Variants in TSC2 observed in about 807,000 individuals in gnomAD.
TSC2 encodes TSC complex subunit 2, also known as tuberin.
Under a neutral mutation model 202.2 loss-of-function variants are expected in TSC2, and 29 were observed. The observed-to-expected ratio is 0.14, with a 90% CI of 0.11 to 0.20. TSC2 has a LOEUF of 0.20. Among genes scored for constraint, TSC2 ranks in the 10% least tolerant of loss-of-function variants. The probability of loss-of-function intolerance (pLI) is 1.00; values close to 1 mark genes in which losing one functional copy is unlikely to be tolerated. For missense variants in TSC2, 2,429 were observed against 2,420.0 expected (o/e 1.00, Z -0.08); for synonymous variants, 1,349 against 1,044.0 (o/e 1.29, Z -5.63).
rs766231504 is a variant in TSC2, at chr16:2,077,095, G to A, written c.2838-503G>A. Among the ~76,000 whole-genome samples the A allele has an allele frequency of 7.2e-5, 11 of 152,224 alleles. 1 individual carries two copies. The highest frequency in any genetic ancestry group is 1.9e-4 in the African/African-American group (8 of 41,454). On this transcript the variant is annotated intron_variant, in intron 25 of 41. Transcript: ENST00000219476. ...GCATTTTCCAGCGTGACCTCAACTCGGAAGCTGTTGTCTCCAGCCCCTGGG... is the reference window on the plus strand; with the variant it reads ...GCATTTTCCAGCGTGACCTCAACTCAGAAGCTGTTGTCTCCAGCCCCTGGG...
intron 17 of TSC2, among the ~76,000 whole-genome samples, chr16:2,070,838 T>C (rs1007008774): frequency 2.6e-5 from 4 of 152,102 alleles, no homozygotes; most frequent in Admixed American, 2.0e-4. Context: ...CACGGCGACT[T>C]CCGGGGCAGT....
chr16:2,065,813 G>C (rs1372345633), intron 16 of TSC2, among the ~76,000 whole-genome samples, 178 bp downstream of exon 16: 2 of 152,194 alleles, frequency 1.3e-5, no homozygotes, highest in African/African-American at 4.8e-5. Context: ...TGGAGGGATG[G>C]ATGCAAGAGG....
intron 34 of TSC2, 86 bp downstream of exon 34, chr16:2,084,801 G>A: frequency 6.3e-7 from 1 of 1,598,774 alleles, no homozygotes; most frequent in Non-Finnish European, 8.5e-7. Context: ...AGCGGGCTGG[G>A]GTGGGGTCCT....
Position 2,056,700 on chromosome 16 carries a change from C to T in TSC2, c.705C>T (p.Ser235=), listed in dbSNP as rs2151079388. 6.2e-7 allele frequency: 1 copy of T among 1,612,612 alleles called. No individual in the cohort carries two copies. The highest frequency in any genetic ancestry group is 8.5e-7 in the Non-Finnish European group (1 of 1,180,018). The change falls in exon 8 of 42, where the codon AGC becomes AGT. Residue 235 remains serine (S), a synonymous_variant. Coordinates refer to ENST00000219476, the MANE Select transcript of TSC2 (RefSeq NM_000548.5). The part of the protein sequence containing the change: ...VVCYNCLPAE[S]LPLFIVTLCR... ...GCTACAACTGCCTGCCGGCTGAGAG[C>T]CTCCCGCTGTTCATCGTTACCCTCT...
chr16:2,049,497 A>G (rs1452882316), intron 2 of TSC2, among the ~76,000 whole-genome samples: 1 of 152,172 alleles, frequency 6.6e-6, no homozygotes, highest in Non-Finnish European at 1.5e-5. Flanking sequence ...CTACTTAGAA[A>G]CAACTAAAAC....
intron 32 of TSC2, chr16:2,083,014 C>T (rs992252646): frequency 2.3e-6 from 1 of 434,506 alleles, no homozygotes; most frequent in Non-Finnish European, 4.6e-6. Flanking sequence ...GCATGGTGCT[C>T]CCCTGCCAGG....
At position 2,076,656 on chromosome 16, in the gene TSC2, C is replaced by T. The variant is rs540716497; in HGVS notation, c.2837+71C>T. ...GGACATGGGGCTGTGGCCTGCCTGACGGTGCCTCCAAGTCAGTGAGTGGAA... is the reference window on the plus strand; with the variant it reads ...GGACATGGGGCTGTGGCCTGCCTGATGGTGCCTCCAAGTCAGTGAGTGGAA... On this transcript the variant is annotated intron_variant, in intron 25 of 41. Transcript: ENST00000219476. The T allele has an allele frequency of 9.7e-5, 148 of 1,520,106 alleles. No homozygotes were observed. The Admixed American group carries it at 1.3e-3, about 13-fold the overall frequency. 94.2% of individuals were successfully genotyped at this position (1,520,106 alleles called of 1,614,324 possible). A position where few individuals can be genotyped will look rare whatever the true frequency, so the allele number is the denominator to read the frequency against.
intron 10 of TSC2, 27 bp from the exon 11 acceptor site, chr16:2,060,643 T>C: frequency 1.2e-6 from 2 of 1,613,832 alleles, no homozygotes; most frequent in South Asian, 1.1e-5. Flanking sequence ...GCTCTGACCC[T>C]GTGTGCTGGC....
intron 24 of TSC2, 105 bp downstream of exon 24, chr16:2,076,275 G>A: frequency 6.3e-7 from 1 of 1,575,482 alleles, no homozygotes. Context: ...GAGGGCAGTG[G>A]GAGGGTGTTT....
At chr16:2,081,430 G>C (rs1437577299) in intron 30 of TSC2, 165 bp from the exon 31 acceptor site, 1 of 882,710 alleles carries the variant, frequency 1.1e-6, no homozygotes, top group East Asian at 2.6e-5. Flanking sequence ...GGGGCAGCAG[G>C]GTGGGTGGCC....
rs938321141 is a variant in TSC2 at position 2,073,148 on chromosome 16, TC to T, written c.2355+167del. Reference sequence around the variant, plus strand: ...CTGCCAGATGCCCAGAGTGGGGACATCCGATTCCCTGGTGCTTCTAGCTCTC... The same window carrying T: ...CTGCCAGATGCCCAGAGTGGGGACATCGATTCCCTGGTGCTTCTAGCTCTC... On this transcript the variant is annotated intron_variant, in intron 21 of 41. Coordinates refer to ENST00000219476, the MANE Select transcript of TSC2 (RefSeq NM_000548.5). Among the ~76,000 whole-genome samples, 45 of 152,174 alleles carry T rather than the reference TC, an allele frequency of 3.0e-4. 1 individual carries two copies. The highest frequency in any genetic ancestry group is 2.7e-3 in the Admixed American group (41 of 15,270).
intron 2 of TSC2, 48 bp downstream of exon 2, chr16:2,048,801 A>C (rs570346091): frequency 1.2e-6 from 2 of 1,613,102 alleles, no homozygotes; most frequent in Non-Finnish European, 1.7e-6. Context: ...AAATGCAGAG[A>C]AGGCTGGGTT....
intron 6 of TSC2, 51 bp downstream of exon 6, chr16:2,055,570 C>T (rs200956561): frequency 3.8e-4 from 588 of 1,547,230 alleles, no homozygotes; most frequent in Non-Finnish European, 4.7e-4. Context: ...AGTTCAGCTC[C>T]GCAGTGAATA....
rs36078782 is a variant in TSC2, at chr16:2,079,191, G to A, written c.3126G>A (p.Pro1042=). 42 of 1,612,872 alleles carry A rather than the reference G, an allele frequency of 2.6e-5. No homozygotes were observed. In the African/African-American group the frequency reaches 2.9e-4, roughly 11 times the overall value. Reference sequence around the variant, plus strand: ...TCTTCTCCAACTTCACGGCTGTCCCGAAGAGGTCCAGGCGGCACTACAGGG... The same window carrying A: ...TCTTCTCCAACTTCACGGCTGTCCCAAAGAGGTCCAGGCGGCACTACAGGG... ...RYVFSNFTAV[P]KRSPVGEFLL... Residue 1042 remains proline (P), a synonymous_variant, in exon 27 of 42, where the codon CCG becomes CCA. Coordinates refer to ENST00000219476, the MANE Select transcript of TSC2 (RefSeq NM_000548.5). The surrounding 1 kb of genome is among the most constrained non-coding windows in gnomAD (Gnocchi z 4.6).
In TSC2 at chr16:2,075,807, A is replaced by C. The variant is rs769586763; in HGVS notation, c.2554A>C (p.Arg852=). 2.5e-6 allele frequency: 4 copies of C among 1,612,592 alleles called. No homozygotes were observed. The highest frequency in any genetic ancestry group is 3.3e-5 in the Admixed American group (2 of 59,996). ...PLLEFLSTLA[R]LPHLYRNFAA... ...CCTCTCCATTACCGCAGCTCTGGCC[A>C]GGCTGCCGCACCTCTACAGGAACTT... The change falls in exon 23 of 42, where the codon AGG becomes CGG. Residue 852 remains arginine, a synonymous_variant. Transcript: ENST00000219476.
intron 20 of TSC2, 82 bp downstream of exon 20, chr16:2,072,445 G>C: frequency 3.8e-6 from 6 of 1,581,678 alleles, no homozygotes; most frequent in Non-Finnish European, 5.2e-6. Context: ...GGCAGAGCGA[G>C]TGAGACCCTT....
In TSC2 at chr16:2,088,863, A is replaced by G. The variant is rs2091265512; in HGVS notation, c.*253A>G. On this transcript the variant is annotated 3_prime_UTR_variant, in exon 42 of 42. Transcript: ENST00000219476. ...TGAGGCTGCCTGGGCCATACAGCAC[A>G]CTCGCGCGTGCGCGCGCGCACACAC... The G allele has an allele frequency of 5.5e-6, 3 of 542,326 alleles. No homozygotes were observed. The highest frequency in any genetic ancestry group is 9.8e-6 in the Non-Finnish European group (3 of 307,454). The allele number at this position is 542,326 out of a possible 1,614,324, so 33.6% of individuals were successfully genotyped here.
Position 2,079,614 on chromosome 16 carries a change from C to A in TSC2, c.3342C>A (p.Ser1114=), listed in dbSNP as rs755871381. Residue 1114 remains serine (S), a synonymous_variant, in exon 29 of 42, where the codon TCC becomes TCA. Coordinates refer to ENST00000219476, the MANE Select transcript of TSC2 (RefSeq NM_000548.5). This position sits in a 1 kb window ranked among gnomAD's most constrained non-coding sequence, Gnocchi z 4.6. ...AGGAGGCGCCGGCCAAGCTGGAGTCCCAGGCTGGGCAGCAGGTGTCCCGTG... is the reference window on the plus strand; with the variant it reads ...AGGAGGCGCCGGCCAAGCTGGAGTCACAGGCTGGGCAGCAGGTGTCCCGTG... ...QTKEAPAKLE[S]QAGQQVSRGA... is the part of the protein sequence containing the mutation. The A allele has an allele frequency of 6.2e-7, 1 of 1,610,994 alleles. No individual in the cohort carries two copies. Among genetic ancestry groups the A allele is most frequent in the Non-Finnish European group, 8.5e-7 (1 of 1,179,374 alleles).
intron 8 of TSC2, 22 bp from the exon 9 acceptor site, chr16:2,057,081 CCT>C (rs1567410182): frequency 2.6e-6 from 4 of 1,550,550 alleles, no homozygotes; most frequent in Admixed American, 2.0e-5. Context: ...CCTGCCAGCC[CCT>C]GACACGCATT....
Sources: allele counts gnomAD v4.1 joint callset (sites outside exome capture counted in the v4.1 genomes callset), GRCh38; gene constraint gnomAD v4.1.1; non-coding constraint Gnocchi (gnomAD v3.1); transcripts MANE v1.5; gene names NCBI Gene and HGNC (gene_info 2026-07-23, HGNC 2026-07-21).